Variants in ARHGAP24 observed in about 807,000 individuals in gnomAD.
ARHGAP24 encodes rho GTPase-activating protein 24.
Under a neutral mutation model 76.4 loss-of-function variants are expected in ARHGAP24, and 50 were observed. The observed-to-expected ratio is 0.65, with a 90% confidence interval of 0.52 to 0.83. The LOEUF is 0.83. Among genes scored for constraint, ARHGAP24 ranks in the 40% least tolerant of loss-of-function variants. The pLI is 0.00. For missense variants in ARHGAP24, 930 were observed against 914.2 expected, an observed-to-expected ratio of 1.02 and a Z score of -0.22; for synonymous variants, 345 against 323.3, an observed-to-expected ratio of 1.07 and a Z score of -0.72.
chr4:85,852,043 T>C (rs1023940452), intron 3 of ARHGAP24, among the ~76,000 whole-genome samples: 4 of 152,198 alleles, frequency 2.6e-5, no homozygotes, highest in African/African-American at 9.7e-5. Context: ...CTGAAGAGTG[T>C]TTTCCAGCTT....
At chr4:85,971,911 A>G in intron 5 of ARHGAP24, 125 bp from the exon 6 acceptor site, 1 of 1,391,314 alleles carries the variant, frequency 7.2e-7, no homozygotes, top group Non-Finnish European at 1.0e-6. Context: ...TGCTCTCTGA[A>G]AACTGGGTTG....
chr4:85,626,694 C>T (rs1720966671), intron 2 of ARHGAP24, among the ~76,000 whole-genome samples: 1 of 152,136 alleles, frequency 6.6e-6, no homozygotes. Context: ...TCCATTCTCC[C>T]CATCACTTTC....
intron 5 of ARHGAP24, among the ~76,000 whole-genome samples, chr4:85,942,679 A>G (rs893164776): frequency 7.2e-5 from 11 of 152,196 alleles, no homozygotes; most frequent in Non-Finnish European, 1.0e-4. Context: ...GTATTTCAAT[A>G]ATAACAAAAG....
chr4:85,501,523 C>A (rs1380204328), intron 1 of ARHGAP24, among the ~76,000 whole-genome samples: 1 of 152,156 alleles, frequency 6.6e-6, no homozygotes, highest in Non-Finnish European at 1.5e-5. Context: ...TAAATGTCTT[C>A]TTTTGAGAAG....
intron 8 of ARHGAP24, among the ~76,000 whole-genome samples, chr4:85,983,365 T>C (rs1400666222): frequency 6.6e-6 from 1 of 152,204 alleles, no homozygotes; most frequent in African/African-American, 2.4e-5. Context: ...TCTTCCACAA[T>C]GGTTGAACTA....
In ARHGAP24 at chr4:85,872,595, C is replaced by CTTTT. The variant is rs5860005; in HGVS notation, c.269-51034_269-51031dup. ...ATAGGCATGAGCCACTGCATCTGGCCTTTTTTTTTTTTTTTTTTTTTTGAC... is the reference window on the plus strand; with the variant it reads ...ATAGGCATGAGCCACTGCATCTGGCCTTTTTTTTTTTTTTTTTTTTTTTTTTGAC... On this transcript the variant is annotated intron_variant, in intron 3 of 9. Coordinates refer to ENST00000395184, the MANE Select transcript of ARHGAP24 (RefSeq NM_001025616.3). 1.5e-3 allele frequency among the ~76,000 whole-genome samples: 112 copies of CTTTT among 73,182 alleles called. 1 individual carries two copies. Among genetic ancestry groups the CTTTT allele is most frequent in the African/African-American group, 2.8e-3 (47 of 16,922 alleles). 48.0% of individuals were successfully genotyped at this position (73,182 alleles called of 152,430 possible).
chr4:85,516,449 T>A (rs1289789931), intron 1 of ARHGAP24, among the ~76,000 whole-genome samples: 1 of 152,202 alleles, frequency 6.6e-6, no homozygotes, highest in African/African-American at 2.4e-5. Context: ...TTTTAGTATA[T>A]GTTGTTTCAC....
chr4:85,744,180 A>G (rs957145145), intron 3 of ARHGAP24, among the ~76,000 whole-genome samples: 5 of 152,254 alleles, frequency 3.3e-5, no homozygotes, highest in Non-Finnish European at 5.9e-5. Context: ...AGAAAAACAT[A>G]GAAGCCATGT....
In ARHGAP24 at chr4:85,701,579, A is replaced by G. The variant is rs557284722; in HGVS notation, c.181-20306A>G. On this transcript the variant is annotated intron_variant, in intron 2 of 9. Transcript: ENST00000395184. ...GTGATTGCATCCTACTGTAAAATAA[A>G]TACATCAATCAATGAAGAATTTGGG... is the stretch of plus-strand genomic sequence containing the variant. Among the ~76,000 whole-genome samples, 159 of 152,318 alleles carry G rather than the reference A, an allele frequency of 1.0e-3. 1 individual carries two copies. Among genetic ancestry groups the G allele is most frequent in the African/African-American group, 3.7e-3 (155 of 41,568 alleles).
intron 3 of ARHGAP24, among the ~76,000 whole-genome samples, chr4:85,727,107 C>A (rs1399225328): frequency 6.6e-6 from 1 of 151,980 alleles, no homozygotes; most frequent in Non-Finnish European, 1.5e-5. Flanking sequence ...ATAATCCCAG[C>A]TACTCAGGAG....
intron 1 of ARHGAP24, among the ~76,000 whole-genome samples, chr4:85,504,611 G>A (rs527843693): frequency 1.1e-4 from 16 of 152,094 alleles, no homozygotes; most frequent in South Asian, 2.1e-4. Flanking sequence ...GCCTATGTGC[G>A]TCTCTGCACA....
chr4:85,901,936 G>A (rs555338543), intron 3 of ARHGAP24, among the ~76,000 whole-genome samples: 5 of 151,838 alleles, frequency 3.3e-5, no homozygotes, highest in East Asian at 1.9e-4. Flanking sequence ...TTTAAGCCCC[G>A]CATGCATTAG....
intron 2 of ARHGAP24, among the ~76,000 whole-genome samples, chr4:85,634,465 C>G (rs957890470): frequency 8.6e-5 from 13 of 151,838 alleles, no homozygotes; most frequent in African/African-American, 2.4e-4. Context: ...AAGATGTCTA[C>G]TGTATATTGA....
At chr4:85,853,560 G>A (rs550251638) in intron 3 of ARHGAP24, among the ~76,000 whole-genome samples, 1 of 152,260 alleles carries the variant, frequency 6.6e-6, no homozygotes, top group South Asian at 2.1e-4. Flanking sequence ...TTCTGCGTCT[G>A]TCACGCTGGG....
chr4:85,725,737 G>A (rs376210707), intron 3 of ARHGAP24, among the ~76,000 whole-genome samples: 34 of 152,338 alleles, frequency 2.2e-4, no homozygotes, highest in African/African-American at 7.2e-4. Context: ...GGGATACAGC[G>A]AAAGGCCTCA....
At chr4:85,648,856 G>C (rs1388057852) in intron 2 of ARHGAP24, among the ~76,000 whole-genome samples, 1 of 151,926 alleles carries the variant, frequency 6.6e-6, no homozygotes, top group Admixed American at 6.6e-5. Flanking sequence ...TATGTCCTTG[G>C]GGAGCTTCCA....
intron 3 of ARHGAP24, among the ~76,000 whole-genome samples, chr4:85,898,033 GTATATATA>G (rs61576453): frequency 0.43 from 57,997 of 134,520 alleles, 12,328 homozygotes; most frequent in Non-Finnish European, 0.48. Flanking sequence ...ACATATATGT[GTATATATA>G]TATATATATA....
At chr4:85,626,482 TTCTC>T (rs561879276) in intron 2 of ARHGAP24, among the ~76,000 whole-genome samples, 129 of 40,216 alleles carry the variant, frequency 3.2e-3, no homozygotes, top group African/African-American at 0.014. Flanking sequence ...AACCCGACCT[TTCTC>T]TCTGGCTGCC....
intron 2 of ARHGAP24, among the ~76,000 whole-genome samples, chr4:85,625,132 C>T (rs1458078637): frequency 6.6e-6 from 1 of 152,048 alleles, no homozygotes; most frequent in Non-Finnish European, 1.5e-5. Context: ...TGTGTTTGCT[C>T]TTGCTTTTCT....
Sources: allele counts gnomAD v4.1 joint callset (sites outside exome capture counted in the v4.1 genomes callset), GRCh38; gene constraint gnomAD v4.1.1; transcripts MANE v1.5; gene names NCBI Gene and HGNC (gene_info 2026-07-23, HGNC 2026-07-21).